ERCC6: variants seen among roughly 807,000 people sequenced by gnomAD.
ERCC6 encodes ERCC excision repair 6, chromatin remodeling factor.
Under a neutral mutation model 158.7 loss-of-function variants are expected in ERCC6, and 116 were observed. The ratio of observed to expected loss-of-function variants is 0.73; its 90% CI spans 0.63 to 0.85. ERCC6 has a LOEUF of 0.85. Among genes scored for constraint, ERCC6 ranks in the 40% least tolerant of loss-of-function variants. ERCC6 has a pLI of 0.00. For missense variants in ERCC6, 1,698 were observed against 1,799.4 expected, an observed-to-expected ratio of 0.94 and a Z score of 1.02; for synonymous variants, 678 against 659.3, an observed-to-expected ratio of 1.03 and a Z score of -0.43.
chr10:49,436,357 AAAGT>A, the ERCC6 span, among the ~76,000 whole-genome samples: 7 of 152,198 alleles, frequency 4.6e-5, no homozygotes, highest in South Asian at 1.4e-3. Context: ...TATATATAAA[AAAGT>A]AAGCTCATCA....
At chr10:49,460,289 T>C (rs1173213255) in intron 20 of ERCC6, 84 bp downstream of exon 20, 1 of 960,848 alleles carries the variant, frequency 1.0e-6, no homozygotes, top group Non-Finnish European at 1.7e-6. Context: ...GACCATTTTC[T>C]TCACATCCAG....
chr10:49,506,532 A>T (rs998359375), intron 5 of ERCC6: 8 of 158,570 alleles, frequency 5.0e-5, no homozygotes, highest in African/African-American at 1.9e-4. Context: ...ATTACTGATT[A>T]CTTAACTGGG....
At chr10:49,499,879 C>A (rs1851327534) in intron 7 of ERCC6, among the ~76,000 whole-genome samples, 1 of 151,994 alleles carries the variant, frequency 6.6e-6, no homozygotes, top group Non-Finnish European at 1.5e-5. Flanking sequence ...AGTTTTCTAC[C>A]ATTTTAGGTA....
At chr10:49,446,634 C>T in the ERCC6 span, among the ~76,000 whole-genome samples, 1 of 152,000 alleles carries the variant, frequency 6.6e-6, no homozygotes, top group Admixed American at 6.5e-5. Context: ...AAACTTCAGC[C>T]AGGTGTGGTG....
rs1249014866 is a variant in ERCC6 at position 49,470,872 on chromosome 10, G to C, written c.3088C>G (p.Gln1030Glu). Residue 1030 changes from glutamine (Q) to glutamate (E), a missense_variant, in exon 18 of 21, where the codon CAG becomes GAG. By Grantham distance (29) the Gln-to-Glu change is conservative. Transcript: ENST00000355832. The stretch of plus-strand genomic sequence containing the variant: ...CTTTTTAGATGGCATTTGGGTGTCT[G>C]AACATCTGATCCAGTTCCTGTAAAG... ...AIFAGTGSDV[Q>E]TPKCHLKRRI... 9.3e-6 allele frequency: 15 copies of C among 1,613,758 alleles called. No homozygotes were observed. The highest frequency in any genetic ancestry group is 1.7e-5 in the Admixed American group (1 of 59,992).
intron 2 of ERCC6, among the ~76,000 whole-genome samples, chr10:49,532,272 C>G (rs1837486289): frequency 6.6e-6 from 1 of 152,134 alleles, no homozygotes; most frequent in Non-Finnish European, 1.5e-5. Flanking sequence ...TGTGCACATG[C>G]TGGTGAACAG....
At chr10:49,437,460 C>A in the ERCC6 span, among the ~76,000 whole-genome samples, 1 of 152,078 alleles carries the variant, frequency 6.6e-6, no homozygotes, top group Non-Finnish European at 1.5e-5. Context: ...TAGGTATATA[C>A]AAACATATAA....
chr10:49,528,005 A>G (rs145407497), intron 4 of ERCC6, among the ~76,000 whole-genome samples: 49 of 152,334 alleles, frequency 3.2e-4, no homozygotes, highest in Non-Finnish European at 6.6e-4. Context: ...TCTTTTCTTA[A>G]ACTGATGCTT....
intron 5 of ERCC6, 162 bp from the exon 6 acceptor site, chr10:49,506,174 C>T: frequency 1.4e-6 from 1 of 698,440 alleles, no homozygotes; most frequent in Non-Finnish European, 2.4e-6. Flanking sequence ...AGAGGAAAAA[C>T]AATTCTCTTC....
In ERCC6 at chr10:49,530,401, T is replaced by C. The variant is rs4253030; in HGVS notation, c.543+319A>G. 9.5e-3 allele frequency among the ~76,000 whole-genome samples: 1,442 copies of C among 152,322 alleles called. 58 individuals carry two copies. Among genetic ancestry groups the C allele is most frequent in the Admixed American group, 0.085 (1,308 of 15,300 alleles). ...ACTTTAAGATAGGTTTTTCAGTGTATTTAATGCATTTTTGACTAACAATAT... is the reference window on the plus strand; with the variant it reads ...ACTTTAAGATAGGTTTTTCAGTGTACTTAATGCATTTTTGACTAACAATAT... On this transcript the variant is annotated intron_variant, in intron 3 of 20. Coordinates refer to ENST00000355832, the MANE Select transcript of ERCC6 (RefSeq NM_000124.4).
intron 8 of ERCC6, among the ~76,000 whole-genome samples, chr10:49,487,951 T>C (rs947282803): frequency 6.6e-6 from 1 of 152,230 alleles, no homozygotes; most frequent in Non-Finnish European, 1.5e-5. Flanking sequence ...TCTAAGACTA[T>C]TTGTTATCAC....
chr10:49,442,566 C>T, the ERCC6 span, among the ~76,000 whole-genome samples: 8 of 152,332 alleles, frequency 5.3e-5, no homozygotes, highest in Admixed American at 5.2e-4. Context: ...AATTCAGAAA[C>T]TGCACAAAAC....
rs1368579182 is a variant in ERCC6 at position 49,455,011 on chromosome 10, C to G, written c.*3804G>C. On this transcript the variant is annotated 3_prime_UTR_variant, in exon 21 of 21. Coordinates refer to ENST00000355832, the MANE Select transcript of ERCC6 (RefSeq NM_000124.4). ...TAATTCATAAGAATGTATTCATGACCCTAGCTAGGGAATGGTTCTTAAATA... is the reference window on the plus strand; with the variant it reads ...TAATTCATAAGAATGTATTCATGACGCTAGCTAGGGAATGGTTCTTAAATA... 6.6e-6 allele frequency among the ~76,000 whole-genome samples: 1 copy of G among 151,700 alleles called. No individual in the cohort carries two copies. Among genetic ancestry groups the G allele is most frequent in the African/African-American group, 2.4e-5 (1 of 41,298 alleles).
Position 49,472,881 on chromosome 10 carries a change from T to A in ERCC6, c.2829+28A>T, listed in dbSNP as rs1442453112. The A allele has an allele frequency of 1.9e-6, 3 of 1,607,266 alleles. No homozygotes were observed. In the East Asian group the frequency reaches 6.8e-5, roughly 36 times the overall value. On this transcript the variant is annotated intron_variant, in intron 15 of 20. Coordinates refer to ENST00000355832, the MANE Select transcript of ERCC6 (RefSeq NM_000124.4). ...ATGAAACTATATTTCTACTAATACA[T>A]TCTTTTAAAAAAAAAATAAAAACAA...
chr10:49,441,567 A>G, the ERCC6 span, among the ~76,000 whole-genome samples: 1 of 151,018 alleles, frequency 6.6e-6, no homozygotes, highest in Non-Finnish European at 1.5e-5. Flanking sequence ...CCAGTTGTGC[A>G]CGGTGTGCCA....
chr10:49,468,462 G>A (rs1253377101), intron 18 of ERCC6, among the ~76,000 whole-genome samples: 1 of 152,186 alleles, frequency 6.6e-6, no homozygotes, highest in East Asian at 1.9e-4. Flanking sequence ...CTGCCCTTTG[G>A]TGTCTGAAAA....
chr10:49,501,033 G>A (rs2132575777), intron 6 of ERCC6: 1 of 252,366 alleles, frequency 4.0e-6, no homozygotes. Context: ...CTTTCTGGGG[G>A]AAAAAATCCC....
At chr10:49,508,127 T>C (rs1195380971) in intron 5 of ERCC6, among the ~76,000 whole-genome samples, 1 of 152,192 alleles carries the variant, frequency 6.6e-6, no homozygotes, top group Non-Finnish European at 1.5e-5. Context: ...AACTTGTGGA[T>C]AACATAAACC....
rs975248280 is a variant in ERCC6 at position 49,455,411 on chromosome 10, T to C, written c.*3404A>G. 6.6e-6 allele frequency: 1 copy of C among 152,190 alleles called. No homozygotes were observed. The highest frequency in any genetic ancestry group is 1.5e-5 in the Non-Finnish European group (1 of 68,040). The allele number at this position is 152,190 out of a possible 1,614,324, so 9.4% of individuals were successfully genotyped here. A position where few individuals can be genotyped will look rare whatever the true frequency, so the allele number is the denominator to read the frequency against. ...TACTGGAATTTAATAAACTAATTCT[T>C]GATTCAGCTGGAACAGAAAACACCC... On this transcript the variant is annotated 3_prime_UTR_variant, in exon 21 of 21. Coordinates refer to ENST00000355832, the MANE Select transcript of ERCC6 (RefSeq NM_000124.4).
Sources: allele counts gnomAD v4.1 joint callset (sites outside exome capture counted in the v4.1 genomes callset), GRCh38; gene constraint gnomAD v4.1.1; transcripts MANE v1.5; gene names NCBI Gene and HGNC (gene_info 2026-07-23, HGNC 2026-07-21).